Variants in SMCHD1 observed in about 807,000 individuals in gnomAD.
The protein encoded by SMCHD1 is structural maintenance of chromosomes flexible hinge domain-containing protein 1.
A neutral mutation model predicts 254.7 loss-of-function variants in SMCHD1; 78 were observed. That is an observed-to-expected ratio of 0.31 (90% CI 0.26 to 0.37). The LOEUF (loss-of-function observed/expected upper bound fraction) is 0.37, where lower values mean the gene tolerates loss of function less well. Among genes scored for constraint, SMCHD1 ranks in the 10% least tolerant of loss-of-function variants. SMCHD1 has a pLI of 1.00. For missense variants in SMCHD1, 1,840 were observed against 2,408.1 expected (o/e 0.76, Z 4.94); for synonymous variants, 766 against 794.9 (o/e 0.96, Z 0.61).
At chr18:2,784,806 T>C in intron 45 of SMCHD1, 185 bp downstream of exon 45, 2 of 664,100 alleles carry the variant, frequency 3.0e-6, no homozygotes, top group Admixed American at 2.1e-5. Flanking sequence ...GTTATGTAAA[T>C]AGTAGCTTTA....
chr18:2,738,271 A>G lies in SMCHD1; in HGVS notation c.3277-126A>G, dbSNP rs924028197. The G allele has an allele frequency of 5.9e-6, 5 of 844,374 alleles. No homozygotes were observed. In the African/African-American group the frequency reaches 8.7e-5, roughly 15 times the overall value. 52.3% of individuals were successfully genotyped at this position (844,374 alleles called of 1,614,324 possible). On this transcript the variant is annotated intron_variant, in intron 25 of 47. Coordinates refer to ENST00000320876, the MANE Select transcript of SMCHD1 (RefSeq NM_015295.3). ...TATATGAACCACACCGTTTCTGACC[A>G]TAAAGAGACTTTTTTCTTGGGGGTG...
intron 15 of SMCHD1, 199 bp from the exon 16 acceptor site, chr18:2,707,364 C>A: frequency 1.5e-5 from 4 of 273,346 alleles, no homozygotes; most frequent in Non-Finnish European, 2.0e-5. Context: ...TTTTTTTTTT[C>A]TTCTTCTTTT....
chr18:2,671,877 C>T (rs535829379), intron 3 of SMCHD1, among the ~76,000 whole-genome samples: 3 of 152,064 alleles, frequency 2.0e-5, no homozygotes, highest in East Asian at 1.9e-4. Flanking sequence ...GGATTACAGG[C>T]GTGAGCCACC....
At chr18:2,686,046 C>G (rs1184763273) in intron 5 of SMCHD1, among the ~76,000 whole-genome samples, 1 of 152,126 alleles carries the variant, frequency 6.6e-6, no homozygotes, top group Non-Finnish European at 1.5e-5. Context: ...TTCTGAAGCT[C>G]TTTCTAAACA....
At chr18:2,723,424 T>A in intron 20 of SMCHD1, among the ~76,000 whole-genome samples, 1 of 152,014 alleles carries the variant, frequency 6.6e-6, no homozygotes, top group Admixed American at 6.6e-5. Context: ...GAGAGGCTGT[T>A]GCCTGTGAGC....
At chr18:2,743,356 C>A (rs2075387030) in intron 28 of SMCHD1, among the ~76,000 whole-genome samples, 1 of 151,948 alleles carries the variant, frequency 6.6e-6, no homozygotes, top group African/African-American at 2.4e-5. Context: ...GTAAGGTGAT[C>A]AGGGAAGAGC....
intron 25 of SMCHD1, among the ~76,000 whole-genome samples, chr18:2,738,118 A>G (rs2075283703): frequency 6.6e-6 from 1 of 152,224 alleles, no homozygotes; most frequent in African/African-American, 2.4e-5. Flanking sequence ...TTTAAACGAT[A>G]ATGGCCACAG....
At chr18:2,686,979 C>T (rs1424037107) in intron 5 of SMCHD1, among the ~76,000 whole-genome samples, 1 of 151,840 alleles carries the variant, frequency 6.6e-6, no homozygotes, top group African/African-American at 2.4e-5. Context: ...CCATCTTTTT[C>T]TTTTTAATAT....
chr18:2,769,113 C>T (rs959457254), intron 37 of SMCHD1, among the ~76,000 whole-genome samples: 2 of 152,096 alleles, frequency 1.3e-5, no homozygotes, highest in Non-Finnish European at 2.9e-5. Flanking sequence ...ATATTTGTGT[C>T]ATTTACTAGT....
At chr18:2,720,399 A>G (rs569423741) in intron 19 of SMCHD1, among the ~76,000 whole-genome samples, 15 of 152,192 alleles carry the variant, frequency 9.9e-5, no homozygotes, top group Non-Finnish European at 2.2e-4. Context: ...GAGGATATTA[A>G]TAATAGTGGG....
intron 22 of SMCHD1, among the ~76,000 whole-genome samples, chr18:2,727,994 A>G (rs1169563681): frequency 3.3e-5 from 5 of 152,086 alleles, no homozygotes; most frequent in African/African-American, 1.2e-4. Context: ...TTATGACATC[A>G]GAGGTAGTGG....
intron 3 of SMCHD1, among the ~76,000 whole-genome samples, chr18:2,671,463 T>C (rs923051990): frequency 1.3e-5 from 2 of 152,072 alleles, no homozygotes; most frequent in Admixed American, 6.6e-5. Context: ...AAAACCCCAG[T>C]GTTTAAAATC....
At chr18:2,747,496 T>C (rs562978526) in intron 29 of SMCHD1, 26 bp from the exon 30 acceptor site, 2 of 1,568,150 alleles carry the variant, frequency 1.3e-6, no homozygotes, top group South Asian at 2.3e-5. Context: ...TTTTAGTGTT[T>C]CTTAAAATAT....
chr18:2,672,062 A>G (rs2073621876), intron 3 of SMCHD1, among the ~76,000 whole-genome samples: 1 of 151,756 alleles, frequency 6.6e-6, no homozygotes, highest in African/African-American at 2.4e-5. Context: ...TTTTCCTGCC[A>G]TTTCCTACAG....
chr18:2,748,148 T>C (rs2075492501), intron 30 of SMCHD1, among the ~76,000 whole-genome samples: 1 of 152,146 alleles, frequency 6.6e-6, no homozygotes, highest in Non-Finnish European at 1.5e-5. Flanking sequence ...TCCTGCCCTT[T>C]ATTGTTCTTT....
At chr18:2,657,188 G>A (rs79332897) in intron 1 of SMCHD1, among the ~76,000 whole-genome samples, 2,378 of 152,304 alleles carry the variant, frequency 0.016, 37 homozygotes, top group Non-Finnish European at 0.026. Context: ...AAATGTTCTA[G>A]ACCATATAAC....
intron 17 of SMCHD1, among the ~76,000 whole-genome samples, chr18:2,717,165 A>G (rs2143355654): frequency 6.6e-6 from 1 of 152,216 alleles, no homozygotes; most frequent in African/African-American, 2.4e-5. Context: ...GTCTGGGAGT[A>G]TGGGTGGAGC....
intron 34 of SMCHD1, among the ~76,000 whole-genome samples, chr18:2,753,727 T>TTG (rs1416468611): frequency 2.6e-5 from 4 of 151,938 alleles, no homozygotes; most frequent in Admixed American, 2.0e-4. Context: ...TTTATTTATT[T>TTG]TGTGTGTGTG....
At chr18:2,657,302 T>C (rs1199846578) in intron 1 of SMCHD1, among the ~76,000 whole-genome samples, 1 of 152,220 alleles carries the variant, frequency 6.6e-6, no homozygotes, top group Non-Finnish European at 1.5e-5. Flanking sequence ...CGTCTAGAAC[T>C]GTGCCTGCGA....
Sources: allele counts gnomAD v4.1 joint callset (sites outside exome capture counted in the v4.1 genomes callset), GRCh38; gene constraint gnomAD v4.1.1; transcripts MANE v1.5; gene names NCBI Gene and HGNC (gene_info 2026-07-23, HGNC 2026-07-21).